PATJ: variants seen among roughly 807,000 people sequenced by gnomAD.
The protein encoded by PATJ is PATJ crumbs cell polarity complex component, also known as inaD-like protein.
Under a neutral mutation model 224.9 loss-of-function variants are expected in PATJ, and 190 were observed. The observed-to-expected ratio is 0.84, with a 90% CI of 0.75 to 0.95. PATJ has a LOEUF of 0.95. Ranked by LOEUF, PATJ falls within the 40% of genes least tolerant of loss-of-function variation. PATJ has a pLI of 0.00. For synonymous variants in PATJ, 769 were observed against 820.3 expected (o/e 0.94, Z 1.07); for missense variants, 2,121 against 2,270.3 (o/e 0.93, Z 1.34).
chr1:61,947,886 AAGC>A (rs1212362234), intron 27 of PATJ, among the ~76,000 whole-genome samples: 1 of 152,196 alleles, frequency 6.6e-6, no homozygotes, highest in Non-Finnish European at 1.5e-5. Flanking sequence ...AATGGAATAG[AAGC>A]AGCCCTCAGA....
Position 61,811,033 on chromosome 1 carries a change from C to A in PATJ, c.1683+2503C>A, listed in dbSNP as rs142125981. 1.3e-3 allele frequency among the ~76,000 whole-genome samples: 205 copies of A among 152,260 alleles called. 1 individual carries two copies. Among genetic ancestry groups the A allele is most frequent in the African/African-American group, 4.4e-3 (181 of 41,560 alleles). On this transcript the variant is annotated intron_variant, in intron 14 of 43. Transcript: ENST00000642238. The stretch of plus-strand genomic sequence containing the variant: ...GCCTGAGTTCAAATTCTGGCTTATG[C>A]AGAATTTCATAGCTGTGTAATCTTA...
rs374684306 is a variant in PATJ at position 61,980,007 on chromosome 1, T to C, written c.3671-10161T>C. Among the ~76,000 whole-genome samples, 103 of 152,148 alleles carry C rather than the reference T, an allele frequency of 6.8e-4. 1 individual carries two copies. The highest frequency in any genetic ancestry group is 2.3e-3 in the African/African-American group (95 of 41,424). On this transcript the variant is annotated intron_variant, in intron 27 of 43. Coordinates refer to ENST00000642238, the MANE Select transcript of PATJ (RefSeq NM_001350145.3). ...GATCAGAGAAATCCTTTTTAGGTTT[T>C]ATGACCTGCTTCAGGGGAGAAGGGG...
chr1:61,791,045 A>C (rs1435973379), intron 8 of PATJ, among the ~76,000 whole-genome samples: 1 of 152,048 alleles, frequency 6.6e-6, no homozygotes, highest in East Asian at 1.9e-4. Flanking sequence ...CCATCTTCAA[A>C]CCACAAGTTG....
At position 61,964,940 on chromosome 1, in the gene PATJ, C is replaced by T. The variant is rs532977289; in HGVS notation, c.3671-25228C>T. On this transcript the variant is annotated intron_variant, in intron 27 of 43. Coordinates refer to ENST00000642238, the MANE Select transcript of PATJ (RefSeq NM_001350145.3). Reference sequence around the variant, plus strand: ...CAGACTAGCCAACATGGTGAAACCCCATCTCTACTAAAAATACAAAAATTA... The same window carrying T: ...CAGACTAGCCAACATGGTGAAACCCTATCTCTACTAAAAATACAAAAATTA... Among the ~76,000 whole-genome samples the T allele has an allele frequency of 2.7e-3, 405 of 151,574 alleles. 1 individual carries two copies. Among genetic ancestry groups the T allele is most frequent in the Non-Finnish European group, 4.8e-3 (328 of 67,872 alleles).
chr1:61,968,377 G>T (rs1682464842), intron 27 of PATJ, among the ~76,000 whole-genome samples: 1 of 151,884 alleles, frequency 6.6e-6, no homozygotes, highest in Non-Finnish European at 1.5e-5. Flanking sequence ...CCTTTTCAAG[G>T]GTCGACTTAT....
chr1:62,103,814 A>G (rs1662537046), intron 33 of PATJ, among the ~76,000 whole-genome samples: 1 of 152,064 alleles, frequency 6.6e-6, no homozygotes, highest in South Asian at 2.1e-4. Flanking sequence ...CACTGTACGT[A>G]AAGCCTTATT....
At chr1:61,746,210 A>G (rs1244859574) in intron 1 of PATJ, among the ~76,000 whole-genome samples, 1 of 152,172 alleles carries the variant, frequency 6.6e-6, no homozygotes, top group Non-Finnish European at 1.5e-5. Flanking sequence ...CCAAAGTGCC[A>G]GGATTACGGA....
chr1:61,838,988 C>T (rs967644671), intron 17 of PATJ, among the ~76,000 whole-genome samples: 2 of 152,026 alleles, frequency 1.3e-5, no homozygotes, highest in African/African-American at 4.8e-5. Flanking sequence ...GAAAGAGATA[C>T]TCTTATTGTT....
intron 30 of PATJ, among the ~76,000 whole-genome samples, chr1:62,046,646 A>G (rs1652623273): frequency 6.6e-6 from 1 of 152,212 alleles, no homozygotes; most frequent in Non-Finnish European, 1.5e-5. Context: ...TCAGTTCTGT[A>G]CATGCATAAT....
intron 31 of PATJ, among the ~76,000 whole-genome samples, chr1:62,068,164 A>G (rs1656797517): frequency 6.6e-6 from 1 of 152,122 alleles, no homozygotes; most frequent in Non-Finnish European, 1.5e-5. Context: ...TGATGCCTGG[A>G]TGCATCTGAG....
chr1:61,788,117 G>C, intron 8 of PATJ, 145 bp downstream of exon 8: 1 of 610,212 alleles, frequency 1.6e-6, no homozygotes, highest in South Asian at 2.3e-5. Context: ...CTTATTGGGA[G>C]ACATTAGACA....
At chr1:61,918,650 A>G (rs1571286867) in intron 26 of PATJ, among the ~76,000 whole-genome samples, 2 of 152,028 alleles carry the variant, frequency 1.3e-5, no homozygotes, top group African/African-American at 4.8e-5. Flanking sequence ...CATTCATAGT[A>G]GTTCTTTTTC....
chr1:61,991,574 A>G, intron 28 of PATJ: 1 of 985,424 alleles, frequency 1.0e-6, no homozygotes, highest in Middle Eastern at 5.2e-4. Flanking sequence ...CAGGAAGACC[A>G]TCGCCATCAA....
rs371443949 is a variant in PATJ at position 61,800,440 on chromosome 1, T to TA, written c.1403-1182dup. ...TTTTAATGGTGGGTTGTTTTATTGT[T>TA]ACTGAGTTGTGTGAGTTCCTTCTGG... is the stretch of plus-strand genomic sequence containing the variant. On this transcript the variant is annotated intron_variant, in intron 11 of 43. Coordinates refer to ENST00000642238, the MANE Select transcript of PATJ (RefSeq NM_001350145.3). Among the ~76,000 whole-genome samples, 370 of 152,336 alleles carry TA rather than the reference T, an allele frequency of 2.4e-3. 1 individual carries two copies. The highest frequency in any genetic ancestry group is 0.01 in the Middle Eastern group (3 of 294).
At chr1:62,062,392 CTTTTTT>C (rs60747316) in intron 31 of PATJ, among the ~76,000 whole-genome samples, 58 of 28,472 alleles carry the variant, frequency 2.0e-3, no homozygotes, top group Non-Finnish European at 3.0e-3. Flanking sequence ...ATGTTGTCTT[CTTTTTT>C]TTTTTTTTTT....
At chr1:62,023,290 C>CAAAAA (rs10600520) in intron 29 of PATJ, among the ~76,000 whole-genome samples, 14 of 105,082 alleles carry the variant, frequency 1.3e-4, no homozygotes, top group South Asian at 1.1e-3. Context: ...AAGTCCATCT[C>CAAAAA]AAAAAAAAAA....
At chr1:61,953,413 G>A (rs1338919189) in intron 27 of PATJ, among the ~76,000 whole-genome samples, 1 of 152,168 alleles carries the variant, frequency 6.6e-6, no homozygotes, top group African/African-American at 2.4e-5. Context: ...CTTATTTGTG[G>A]CTATGCTGTC....
intron 37 of PATJ, among the ~76,000 whole-genome samples, chr1:62,118,962 AAGAC>A (rs545580661): frequency 4.6e-5 from 7 of 151,756 alleles, no homozygotes; most frequent in African/African-American, 1.7e-4. Flanking sequence ...TTCACACTCA[AAGAC>A]AGAACTACCA....
At chr1:62,083,470 G>A (rs910623525) in intron 32 of PATJ, among the ~76,000 whole-genome samples, 1 of 152,128 alleles carries the variant, frequency 6.6e-6, no homozygotes, top group Non-Finnish European at 1.5e-5. Context: ...GAAAATGCAT[G>A]TGTGTAGATT....
Sources: allele counts gnomAD v4.1 joint callset (sites outside exome capture counted in the v4.1 genomes callset), GRCh38; gene constraint gnomAD v4.1.1; transcripts MANE v1.5; gene names NCBI Gene and HGNC (gene_info 2026-07-23, HGNC 2026-07-21).